Variants in SLC7A6 observed in about 807,000 individuals in gnomAD.
The protein encoded by SLC7A6 is Y+L amino acid transporter 2.
In SLC7A6, 29 loss-of-function variants were observed where a neutral mutation model predicts 46.6. The ratio of observed to expected loss-of-function variants is 0.62; its 90% confidence interval spans 0.46 to 0.85. The LOEUF is 0.85. Among genes scored for constraint, SLC7A6 ranks in the 40% least tolerant of loss-of-function variants. The pLI, the probability that SLC7A6 is intolerant of heterozygous loss-of-function variation, is 0.00. For synonymous variants in SLC7A6, 276 were observed against 257.3 expected, an observed-to-expected ratio of 1.07 and a Z score of -0.70; for missense variants, 527 against 647.6, an observed-to-expected ratio of 0.81 and a Z score of 2.02.
chr16:68,265,112 G>A (rs957282243), intron 1 of SLC7A6, among the ~76,000 whole-genome samples: 2 of 152,222 alleles, frequency 1.3e-5, no homozygotes, highest in Non-Finnish European at 2.9e-5. Flanking sequence ...TCCTGGGGCT[G>A]TCGCAAGAAT....
rs763536385 is a variant in SLC7A6, at chr16:68,298,906, G to C, written c.*1578G>C. The C allele has an allele frequency of 6.6e-6, 1 of 152,600 alleles. No individual in the cohort carries two copies. The highest frequency in any genetic ancestry group is 2.1e-4 in the South Asian group (1 of 4,830). The allele number at this position is 152,600 out of a possible 1,614,324, so 9.5% of individuals were successfully genotyped here. On this transcript the variant is annotated 3_prime_UTR_variant, in exon 11 of 11. Coordinates refer to ENST00000219343, the MANE Select transcript of SLC7A6 (RefSeq NM_003983.6). ...GGCTTATCCTTAGGTTTTGGAATTG[G>C]TCAACAGTGAGGCAGTCTCCCTTCC...
At chr16:68,292,401 T>G (rs1247415227) in intron 7 of SLC7A6, 1 of 152,248 alleles carries the variant, frequency 6.6e-6, no homozygotes, top group East Asian at 1.9e-4. Context: ...AGTTGGCCCT[T>G]CTCTTTGGTG....
intron 3 of SLC7A6, among the ~76,000 whole-genome samples, chr16:68,277,951 C>A (rs1596980431): frequency 8.5e-6 from 1 of 117,326 alleles, no homozygotes; most frequent in African/African-American, 3.3e-5. Flanking sequence ...TATTATTTTT[C>A]TTTTTTGAGA....
chr16:68,265,420 T>C (rs1012246171), intron 1 of SLC7A6: 4 of 152,178 alleles, frequency 2.6e-5, no homozygotes, highest in Admixed American at 1.3e-4. Context: ...GAGTACCTCT[T>C]GTATGCCCTG....
rs758097932 is a variant in SLC7A6, at chr16:68,290,540, G to A, written c.794G>A (p.Arg265Lys). 1.9e-6 allele frequency: 3 copies of A among 1,613,996 alleles called. No individual in the cohort carries two copies. The highest frequency in any genetic ancestry group is 2.2e-5 in the South Asian group (2 of 91,084). Residue 265 changes from arginine (R) to lysine (K), a missense_variant and splice_region_variant, in exon 5 of 11, where the codon AGA (arginine) becomes AAA (lysine). Arg to Lys is a conservative substitution (Grantham distance 26). Transcript: ENST00000219343. ...FVTEEIKNPE[R>K]NLPLAIGISM... is the part of the protein sequence containing the mutation. ...ACAGAAGAAATCAAAAACCCAGAAA[G>A]GTAAAGATGGGATCACACTCTCACT...
chr16:68,294,454 G>A (rs1373946284), intron 7 of SLC7A6, among the ~76,000 whole-genome samples: 1 of 152,058 alleles, frequency 6.6e-6, no homozygotes, highest in South Asian at 2.1e-4. Context: ...AGAAGAGGGG[G>A]TATCTGGGTG....
At chr16:68,269,169 A>G (rs1266597868) in intron 2 of SLC7A6, among the ~76,000 whole-genome samples, 4 of 152,202 alleles carry the variant, frequency 2.6e-5, no homozygotes, top group African/African-American at 9.7e-5. Flanking sequence ...ATGCTGTTCA[A>G]CTTTTTCAGT....
chr16:68,270,356 T>C (rs1443723913), intron 2 of SLC7A6, among the ~76,000 whole-genome samples: 1 of 152,040 alleles, frequency 6.6e-6, no homozygotes, highest in African/African-American at 2.4e-5. Flanking sequence ...TTTTCTTTTA[T>C]CCTGCCCCAG....
chr16:68,296,596 G>A (rs766668622), intron 9 of SLC7A6, 31 bp from the exon 10 acceptor site: 19 of 1,613,562 alleles, frequency 1.2e-5, no homozygotes, highest in Middle Eastern at 3.3e-4. Context: ...CTCTTCCCAC[G>A]TTACTTAATC....
intron 2 of SLC7A6, among the ~76,000 whole-genome samples, chr16:68,269,753 CA>C (rs11306082): frequency 0.79 from 112,362 of 141,770 alleles, 44,648 homozygotes; most frequent in African/African-American, 0.93. Context: ...GACTCTGTCT[CA>C]AAAAAAAAAA....
chr16:68,294,276 G>C (rs1189181010), intron 7 of SLC7A6, among the ~76,000 whole-genome samples: 1 of 152,172 alleles, frequency 6.6e-6, no homozygotes. Flanking sequence ...CCTCAGTCTT[G>C]CCTTACATCA....
chr16:68,289,445 G>T (rs895389679), intron 4 of SLC7A6, among the ~76,000 whole-genome samples: 5 of 152,200 alleles, frequency 3.3e-5, no homozygotes, highest in Admixed American at 2.6e-4. Context: ...TGGGTTTTGA[G>T]TAATCCTCCC....
chr16:68,291,406 AC>A, intron 6 of SLC7A6, 74 bp downstream of exon 6: 1 of 1,597,330 alleles, frequency 6.3e-7, no homozygotes, highest in Non-Finnish European at 8.5e-7. Flanking sequence ...AGTCTGTCTT[AC>A]TGCACCCTCC....
intron 7 of SLC7A6, chr16:68,292,208 C>T (rs2043071585): frequency 6.5e-6 from 1 of 153,110 alleles, no homozygotes; most frequent in Non-Finnish European, 1.5e-5. Context: ...AGACTTTCCC[C>T]CTCACTTCCC....
Position 68,300,821 on chromosome 16 carries a change from G to A in SLC7A6, c.*3493G>A. The A allele has an allele frequency of 3.0e-6, 3 of 986,204 alleles. No homozygotes were observed. Among genetic ancestry groups the A allele is most frequent in the Non-Finnish European group, 3.6e-6 (3 of 830,518 alleles). The allele number at this position is 986,204 out of a possible 1,614,324, so 61.1% of individuals were successfully genotyped here. A position where few individuals can be genotyped will look rare whatever the true frequency, so the allele number is the denominator to read the frequency against. On this transcript the variant is annotated 3_prime_UTR_variant, in exon 11 of 11. Coordinates refer to ENST00000219343, the MANE Select transcript of SLC7A6 (RefSeq NM_003983.6). ...TACTATCCAGTCTGTATTGCTACAA[G>A]GGACCCACTGGTACCCCTTTTAGAT... is the stretch of plus-strand genomic sequence containing the variant.
intron 3 of SLC7A6, chr16:68,287,387 G>A: frequency 7.7e-7 from 1 of 1,300,516 alleles, no homozygotes. Flanking sequence ...CCATGAAGAG[G>A]TCTTGTGTCT....
intron 7 of SLC7A6, chr16:68,292,350 G>GGGGAA: frequency 6.6e-6 from 1 of 152,218 alleles, no homozygotes; most frequent in East Asian, 1.9e-4. Flanking sequence ...TTGGGCTCGG[G>GGGGAA]GTTCCAGCAC....
Position 68,264,569 on chromosome 16 carries a change from A to G in SLC7A6, c.-173A>G, listed in dbSNP as rs1384096124. The G allele has an allele frequency of 6.6e-6, 1 of 152,008 alleles. No individual in the cohort carries two copies. The highest frequency in any genetic ancestry group is 1.5e-5 in the Non-Finnish European group (1 of 67,934). 9.4% of individuals were successfully genotyped at this position (152,008 alleles called of 1,614,324 possible). A position where few individuals can be genotyped will look rare whatever the true frequency, so the allele number is the denominator to read the frequency against. On this transcript the variant is annotated 5_prime_UTR_variant, in exon 1 of 11. Coordinates refer to ENST00000219343, the MANE Select transcript of SLC7A6 (RefSeq NM_003983.6). This position sits in a 1 kb window ranked among gnomAD's most constrained non-coding sequence, Gnocchi z 5.8. ...CCGAGCATCCTGGCGGCGCCGGGCCACTGGGAGGTAACGGGCTGGGCCATG... is the reference window on the plus strand; with the variant it reads ...CCGAGCATCCTGGCGGCGCCGGGCCGCTGGGAGGTAACGGGCTGGGCCATG...
In SLC7A6 at chr16:68,297,494, C is replaced by G; in HGVS notation, c.*166C>G. The G allele has an allele frequency of 2.2e-6, 1 of 462,966 alleles. No individual in the cohort carries two copies. The highest frequency in any genetic ancestry group is 3.7e-6 in the Non-Finnish European group (1 of 270,962). 28.7% of individuals were successfully genotyped at this position (462,966 alleles called of 1,614,324 possible). A position where few individuals can be genotyped will look rare whatever the true frequency, so the allele number is the denominator to read the frequency against. ...TCTTATTGGTAAGCTATAGGAGACT[C>G]AGGATCTGGGCCAACCTCAAGGTGG... On this transcript the variant is annotated 3_prime_UTR_variant, in exon 11 of 11. Coordinates refer to ENST00000219343, the MANE Select transcript of SLC7A6 (RefSeq NM_003983.6).
Sources: allele counts gnomAD v4.1 joint callset (sites outside exome capture counted in the v4.1 genomes callset), GRCh38; gene constraint gnomAD v4.1.1; non-coding constraint Gnocchi (gnomAD v3.1); transcripts MANE v1.5; gene names NCBI Gene and HGNC (gene_info 2026-07-23, HGNC 2026-07-21).